Variants in FBXO36 observed in about 807,000 individuals in gnomAD.
FBXO36 encodes F-box protein 36, also known as F-box only protein 36.
A neutral mutation model predicts 17.0 loss-of-function variants in FBXO36; 18 were observed. That is an observed-to-expected ratio of 1.06 (90% CI 0.73 to 1.57). The LOEUF (loss-of-function observed/expected upper bound fraction) is 1.57, where lower values mean the gene tolerates loss of function less well. Ranked by LOEUF, FBXO36 falls within the 40% of genes most tolerant of loss-of-function variation. The pLI is 0.00. For synonymous variants in FBXO36, 83 were observed against 85.3 expected (o/e 0.97, Z 0.15); for missense variants, 229 against 221.9 (o/e 1.03, Z -0.20).
At chr2:229,948,807 G>A (rs1164909525) in intron 1 of FBXO36, among the ~76,000 whole-genome samples, 3 of 152,128 alleles carry the variant, frequency 2.0e-5, no homozygotes, top group Admixed American at 2.0e-4. Context: ...GTTATGGACT[G>A]CCTACTGCCT....
At chr2:229,980,727 C>G (rs1011697065) in intron 2 of FBXO36, among the ~76,000 whole-genome samples, 3 of 152,082 alleles carry the variant, frequency 2.0e-5, no homozygotes, top group African/African-American at 7.2e-5. Flanking sequence ...ATGAGTCTGA[C>G]AGCAGGCCTG....
At chr2:229,983,428 A>AT (rs2106200578) in intron 2 of FBXO36, among the ~76,000 whole-genome samples, 1 of 151,780 alleles carries the variant, frequency 6.6e-6, no homozygotes, top group Non-Finnish European at 1.5e-5. Context: ...CCTCCTGAGT[A>AT]TCTGGGAGTG....
At chr2:229,939,185 C>G (rs2076983931) in intron 1 of FBXO36, 1 of 958,866 alleles carries the variant, frequency 1.0e-6, no homozygotes, top group African/African-American at 1.8e-5. Flanking sequence ...TCCCAAGTAT[C>G]TGGGATTACA....
chr2:229,923,171 T>A (rs541300878), intron 1 of FBXO36: 2 of 152,694 alleles, frequency 1.3e-5, no homozygotes, highest in East Asian at 3.9e-4. Flanking sequence ...TTCTATCCCA[T>A]TGAAAGTGTG....
At chr2:229,957,956 G>C (rs570629393) in intron 1 of FBXO36, among the ~76,000 whole-genome samples, 2 of 152,208 alleles carry the variant, frequency 1.3e-5, no homozygotes, top group Non-Finnish European at 2.9e-5. Flanking sequence ...GTTGTAAATA[G>C]TAACTTTTTG....
intron 1 of FBXO36, among the ~76,000 whole-genome samples, chr2:229,947,454 A>G (rs556304600): frequency 6.6e-6 from 1 of 152,270 alleles, no homozygotes; most frequent in East Asian, 1.9e-4. Flanking sequence ...AGAGATGGAC[A>G]GGGGTCACTC....
rs1023971771 is a variant in FBXO36 at position 229,933,130 on chromosome 2, G to A, written c.96+10521G>A. On this transcript the variant is annotated intron_variant, in intron 1 of 3. Transcript: ENST00000283946. ...TGTATATTAGAGGCTGGGCACGGTG[G>A]CTCACACCTGTAATCCATTTGGGAG... is the stretch of plus-strand genomic sequence containing the variant. 2.0e-5 allele frequency among the ~76,000 whole-genome samples: 3 copies of A among 152,260 alleles called. No homozygotes were observed. In the East Asian group the frequency reaches 5.8e-4, roughly 29 times the overall value.
At chr2:229,924,155 A>G (rs2154386785) in intron 1 of FBXO36, among the ~76,000 whole-genome samples, 1 of 152,190 alleles carries the variant, frequency 6.6e-6, no homozygotes, top group South Asian at 2.1e-4. Context: ...CAGTGGCGCG[A>G]TCTCAGCTCA....
intron 1 of FBXO36, among the ~76,000 whole-genome samples, chr2:229,967,436 G>A (rs918647955): frequency 6.6e-6 from 1 of 152,174 alleles, no homozygotes; most frequent in Admixed American, 6.5e-5. Context: ...TGGTGAGAGA[G>A]GGCATCCCTG....
rs1291124637 is a variant in FBXO36, at chr2:229,938,497, T to G, written c.96+15888T>G. ...GATACAACTTTCTTTTTTTTTTTTT[T>G]TCTTGAAGTGGAGTTTCGCTCTTGT... On this transcript the variant is annotated intron_variant, in intron 1 of 3. Coordinates refer to ENST00000283946, the MANE Select transcript of FBXO36 (RefSeq NM_174899.5). Among the ~76,000 whole-genome samples the G allele has an allele frequency of 2.0e-5, 3 of 147,598 alleles. No individual in the cohort carries two copies. The Admixed American group carries it at 2.0e-4, about 10-fold the overall frequency.
intron 2 of FBXO36, among the ~76,000 whole-genome samples, chr2:229,982,933 T>A (rs2077248483): frequency 6.6e-6 from 1 of 152,194 alleles, no homozygotes; most frequent in African/African-American, 2.4e-5. Flanking sequence ...TTTATATTAC[T>A]AAATTGCAAA....
At chr2:229,974,408 G>A (rs374813795) in intron 1 of FBXO36, among the ~76,000 whole-genome samples, 11 of 152,174 alleles carry the variant, frequency 7.2e-5, no homozygotes, top group Non-Finnish European at 1.2e-4. Context: ...CATGGAGAGC[G>A]TCCCTCCAGT....
At chr2:229,991,136 A>G (rs2077295744) in intron 2 of FBXO36, among the ~76,000 whole-genome samples, 2 of 152,140 alleles carry the variant, frequency 1.3e-5, no homozygotes, top group Non-Finnish European at 2.9e-5. Flanking sequence ...GGGTTTCACC[A>G]TCTTGGCCAG....
chr2:229,962,505 T>TTTATTTTATA (rs2077127981), intron 1 of FBXO36, among the ~76,000 whole-genome samples: 1 of 137,224 alleles, frequency 7.3e-6, no homozygotes, highest in Non-Finnish European at 1.5e-5. Flanking sequence ...TGATTTTTAT[T>TTTATTTTATA]TTATTTTATT....
Position 229,958,901 on chromosome 2 carries a change from A to G in FBXO36, c.97-17340A>G, listed in dbSNP as rs144043541. The stretch of plus-strand genomic sequence containing the variant: ...CATTTCATTTCCATCCTCCCAAAAC[A>G]TTGTGACCAAGGCATTATTATCTCT... On this transcript the variant is annotated intron_variant, in intron 1 of 3. Transcript: ENST00000283946. Among the ~76,000 whole-genome samples the G allele has an allele frequency of 5.8e-3, 876 of 152,312 alleles. 3 individuals carry two copies. Among genetic ancestry groups the G allele is most frequent in the Middle Eastern group, 0.034 (10 of 294 alleles).
At chr2:229,922,894 C>T (rs2076802452) in intron 1 of FBXO36, among the ~76,000 whole-genome samples, 1 of 152,240 alleles carries the variant, frequency 6.6e-6, no homozygotes, top group Admixed American at 6.5e-5. Flanking sequence ...GTAGAGTTTC[C>T]TCCGCGCGAA....
chr2:229,948,959 T>G (rs929358401), intron 1 of FBXO36, among the ~76,000 whole-genome samples: 6 of 152,082 alleles, frequency 3.9e-5, no homozygotes, highest in Admixed American at 2.0e-4. Context: ...TCAGCCTCCC[T>G]AGTAGCTGGG....
intron 2 of FBXO36, among the ~76,000 whole-genome samples, chr2:229,993,087 C>A: frequency 6.6e-6 from 1 of 152,142 alleles, no homozygotes; most frequent in East Asian, 1.9e-4. Context: ...ACTTTCCAAC[C>A]TGACTCTGGC....
In FBXO36 at chr2:229,951,444, G is replaced by A. The variant is rs149574220; in HGVS notation, c.97-24797G>A. Among the ~76,000 whole-genome samples, 584 of 151,496 alleles carry A rather than the reference G, an allele frequency of 3.9e-3. 5 individuals are homozygous for A. The highest frequency in any genetic ancestry group is 0.013 in the African/African-American group (554 of 41,248). On this transcript the variant is annotated intron_variant, in intron 1 of 3. Transcript: ENST00000283946. ...TTTTTAGTAGAGATGGGGTTTCATC[G>A]TGTTGGTCAGGCTGGTCTTGAACTC...
Sources: gnomAD v4.1 joint callset for allele counts (sites outside exome capture counted in the v4.1 genomes callset) on GRCh38, gnomAD v4.1.1 for gene constraint, MANE v1.5 for transcripts, NCBI Gene and HGNC (gene_info 2026-07-23, HGNC 2026-07-21) for gene names.